Variants in MAP9 observed in about 807,000 individuals in gnomAD.
The protein encoded by MAP9 is microtubule associated protein 9, also known as microtubule-associated protein 9.
A neutral mutation model predicts 75.2 loss-of-function variants in MAP9; 80 were observed. The observed-to-expected ratio is 1.06, with a 90% CI of 0.89 to 1.28. The LOEUF (loss-of-function observed/expected upper bound fraction) is 1.28. MAP9 is among the 50% of genes most tolerant of loss of function. The pLI is 0.00. For synonymous variants in MAP9, 235 were observed against 237.3 expected, an observed-to-expected ratio of 0.99 and a Z score of 0.09; for missense variants, 753 against 719.9, an observed-to-expected ratio of 1.05 and a Z score of -0.53.
chr4:155,352,935 ATC>A lies in MAP9; in HGVS notation c.1663_1664del (p.Asp555Ter). The A allele has an allele frequency of 6.5e-7, 1 of 1,536,000 alleles. No homozygotes were observed. The highest frequency in any genetic ancestry group is 8.8e-7 in the Non-Finnish European group (1 of 1,137,496). Reference protein sequence around the residue: ...EEETVAEKKKDNLTAVEKWNE... With the variant: ...EEETVAEKKKXNLTAVEKWNE... ...ACCATTTCTCAACAGCAGTTAAATTATCTTTCTTTTTCTCGGCAACAGTTTCC... is the reference window on the plus strand; with the variant it reads ...ACCATTTCTCAACAGCAGTTAAATTATTTCTTTTTCTCGGCAACAGTTTCC... On this transcript the variant is annotated frameshift_variant, in exon 12 of 14. Transcript: ENST00000311277. LOFTEE classifies it high-confidence loss of function.
intron 4 of MAP9, among the ~76,000 whole-genome samples, chr4:155,372,665 C>A (rs1001890550): frequency 6.6e-6 from 1 of 152,194 alleles, no homozygotes; most frequent in Admixed American, 6.5e-5. Flanking sequence ...TTCAAATATA[C>A]AAATGTCAAG....
rs553558492 is a variant in MAP9 at position 155,369,094 on chromosome 4, G to A, written c.482-282C>T. On this transcript the variant is annotated intron_variant, in intron 4 of 13. Transcript: ENST00000311277. ...TCCCAGCACGTTGGGAGGCCGAGGT[G>A]GGCAGATCATGAGGTCAGGAGTTCG... Among the ~76,000 whole-genome samples, 6 of 152,202 alleles carry A rather than the reference G, an allele frequency of 3.9e-5. No homozygotes were observed. In the East Asian group the frequency reaches 1.2e-3, roughly 29 times the overall value.
At position 155,375,884 on chromosome 4, in the gene MAP9, CTAAT is replaced by C. The variant is rs750478546; in HGVS notation, c.-38_-35del. On this transcript the variant is annotated 5_prime_UTR_variant, in exon 2 of 14. Coordinates refer to ENST00000311277, the MANE Select transcript of MAP9 (RefSeq NM_001039580.2). ...TTTTCTCGTTACCTTTATAAAATAG[CTAAT>C]TATTAGAATTCAACTTCTGATAGTA... The C allele has an allele frequency of 5.0e-6, 7 of 1,411,016 alleles. No homozygotes were observed. The highest frequency in any genetic ancestry group is 6.9e-6 in the Non-Finnish European group (7 of 1,007,340). 87.4% of individuals were successfully genotyped at this position (1,411,016 alleles called of 1,614,324 possible). A position where few individuals can be genotyped will look rare whatever the true frequency, so the allele number is the denominator to read the frequency against.
chr4:155,351,432 T>C (rs933522057), intron 13 of MAP9, among the ~76,000 whole-genome samples: 1 of 149,892 alleles, frequency 6.7e-6, no homozygotes. Flanking sequence ...TCTTTTCAAC[T>C]ATGCTTGAAA....
chr4:155,375,742 C>T (rs185081787), intron 2 of MAP9, 34 bp downstream of exon 2: 8 of 1,390,756 alleles, frequency 5.8e-6, no homozygotes, highest in Non-Finnish European at 2.0e-6. Flanking sequence ...ACAGTGTTTA[C>T]ACTGTGAAAT....
intron 2 of MAP9, among the ~76,000 whole-genome samples, chr4:155,375,377 T>C (rs1732795644): frequency 6.6e-6 from 1 of 152,214 alleles, no homozygotes. Context: ...AAGAAATTGG[T>C]ATTTTTAAGA....
At chr4:155,359,392 G>A (rs1053717230) in intron 7 of MAP9, among the ~76,000 whole-genome samples, 9 of 151,918 alleles carry the variant, frequency 5.9e-5, no homozygotes, top group African/African-American at 2.2e-4. Flanking sequence ...TAAATAATGT[G>A]TACACATGTA....
At chr4:155,367,569 A>G (rs945637166) in intron 5 of MAP9, 2 of 152,276 alleles carry the variant, frequency 1.3e-5, no homozygotes, top group African/African-American at 2.4e-5. Context: ...TCAATGGATC[A>G]GATAATTTTC....
chr4:155,355,705 T>C lies in MAP9; in HGVS notation c.1290+11A>G, dbSNP rs762518926. 7.5e-6 allele frequency: 12 copies of C among 1,593,304 alleles called. No individual in the cohort carries two copies. Among genetic ancestry groups the C allele is most frequent in the Admixed American group, 5.4e-5 (3 of 55,312 alleles). On this transcript the variant is annotated intron_variant, in intron 9 of 13. Transcript: ENST00000311277. ...CATTCTTCTTCTCTTAAAAATATTTTCCTTTTTTACCTGATAAACAGCTGC... is the reference window on the plus strand; with the variant it reads ...CATTCTTCTTCTCTTAAAAATATTTCCCTTTTTTACCTGATAAACAGCTGC...
intron 13 of MAP9, 176 bp downstream of exon 13, chr4:155,352,420 G>C (rs1731552611): frequency 1.8e-6 from 1 of 566,592 alleles, no homozygotes; most frequent in Non-Finnish European, 3.0e-6. Context: ...AACATTAATA[G>C]AAATGACTAA....
rs17032893 is a variant in MAP9 at position 155,360,219 on chromosome 4, T to C, written c.999A>G (p.Leu333=). The part of the protein sequence containing the change: ...MDDDRTVDPL[L]SKSQSILIST... ...ATATTAAGATACTCTGAGATTTAGA[T>C]AGTAGTGGATCAACTGTTCTGTCAT... Residue 333 remains leucine (L), a synonymous_variant, in exon 7 of 14, where the codon CTA becomes CTG. Coordinates refer to ENST00000311277, the MANE Select transcript of MAP9 (RefSeq NM_001039580.2). 0.048 allele frequency: 77,786 copies of C among 1,612,402 alleles called. 7,314 individuals carry two copies. The highest frequency in any genetic ancestry group is 0.44 in the East Asian group (19,834 of 44,760).
intron 4 of MAP9, among the ~76,000 whole-genome samples, chr4:155,371,948 T>C (rs1441819583): frequency 1.3e-5 from 2 of 152,212 alleles, no homozygotes; most frequent in East Asian, 1.9e-4. Flanking sequence ...TATGCATCTG[T>C]TTGCATTTTT....
intron 7 of MAP9, among the ~76,000 whole-genome samples, chr4:155,358,259 G>A (rs560730048): frequency 1.3e-5 from 2 of 152,196 alleles, no homozygotes; most frequent in African/African-American, 4.8e-5. Context: ...TATAAACTCC[G>A]GAATATCCTT....
chr4:155,373,487 C>A, intron 3 of MAP9, 31 bp from the exon 4 acceptor site: 1 of 1,385,466 alleles, frequency 7.2e-7, no homozygotes. Flanking sequence ...ATGTTTTCAA[C>A]AGTATTTTTA....
Position 155,345,465 on chromosome 4 carries a change from T to TTTTG in MAP9, c.*2317_*2318insCAAA, listed in dbSNP as rs200283700. The TTTTG allele has an allele frequency of 6.0e-4, 15 of 24,884 alleles. No individual in the cohort carries two copies. The highest frequency in any genetic ancestry group is 4.5e-3 in the East Asian group (1 of 224). 1.5% of individuals were successfully genotyped at this position (24,884 alleles called of 1,614,324 possible). A position where few individuals can be genotyped will look rare whatever the true frequency, so the allele number is the denominator to read the frequency against. On this transcript the variant is annotated 3_prime_UTR_variant, in exon 14 of 14. Coordinates refer to ENST00000311277, the MANE Select transcript of MAP9 (RefSeq NM_001039580.2). ...TTTTGTTTTGTTTTGTTTTGTTTTG[T>TTTTG]TTTTTTGAGTGTTACAGCCTGGACT...
chr4:155,360,093 C>T, intron 7 of MAP9, 75 bp downstream of exon 7: 1 of 1,378,516 alleles, frequency 7.3e-7, no homozygotes, highest in Non-Finnish European at 1.0e-6. Context: ...GTATATAACA[C>T]AGAAGATAAA....
chr4:155,355,741 TC>T lies in MAP9; in HGVS notation c.1264del (p.Asp422IlefsTer3). 1 of 1,611,432 alleles carries T rather than the reference TC, an allele frequency of 6.2e-7. No individual in the cohort carries two copies. Among genetic ancestry groups the T allele is most frequent in the South Asian group, 1.1e-5 (1 of 90,618 alleles). On this transcript the variant is annotated frameshift_variant, in exon 9 of 14. Coordinates refer to ENST00000311277, the MANE Select transcript of MAP9 (RefSeq NM_001039580.2). LOFTEE classifies it high-confidence loss of function. ...QKQSIEPDRA[D>X]NIRAAVYQEW... is the part of the protein sequence containing the mutation. ...CTGATAAACAGCTGCCCTTATGTTA[TC>T]TGCTCTATCAGGTTCTATGCTCTGT...
rs866347833 is a variant in MAP9 at position 155,347,344 on chromosome 4, C to G, written c.*439G>C. Reference sequence around the variant, plus strand: ...TCAGTTTCAGAAGGAATAATATATGCGCACTTCCCAGCGACCCTTCATTTA... The same window carrying G: ...TCAGTTTCAGAAGGAATAATATATGGGCACTTCCCAGCGACCCTTCATTTA... On this transcript the variant is annotated 3_prime_UTR_variant, in exon 14 of 14. Coordinates refer to ENST00000311277, the MANE Select transcript of MAP9 (RefSeq NM_001039580.2). 6.5e-6 allele frequency: 1 copy of G among 153,396 alleles called. No individual in the cohort carries two copies. Among genetic ancestry groups the G allele is most frequent in the Non-Finnish European group, 1.4e-5 (1 of 68,978 alleles). The allele number at this position is 153,396 out of a possible 1,614,324, so 9.5% of individuals were successfully genotyped here. A position where few individuals can be genotyped will look rare whatever the true frequency, so the allele number is the denominator to read the frequency against.
rs1731331923 is a variant in MAP9, at chr4:155,347,718, GT to G, written c.*64del. On this transcript the variant is annotated 3_prime_UTR_variant, in exon 14 of 14. Coordinates refer to ENST00000311277, the MANE Select transcript of MAP9 (RefSeq NM_001039580.2). Reference sequence around the variant, plus strand: ...TCCTCTAACTATAAATAATTGAATGGTTTTAAATCTATGGCTAATATTGGCA... The same window carrying G: ...TCCTCTAACTATAAATAATTGAATGGTTTAAATCTATGGCTAATATTGGCA... 6.9e-7 allele frequency: 1 copy of G among 1,442,768 alleles called. No individual in the cohort carries two copies. Among genetic ancestry groups the G allele is most frequent in the Non-Finnish European group, 9.4e-7 (1 of 1,059,994 alleles). The allele number at this position is 1,442,768 out of a possible 1,614,324, so 89.4% of individuals were successfully genotyped here.
Sources: gnomAD v4.1 joint callset for allele counts (sites outside exome capture counted in the v4.1 genomes callset) on GRCh38, gnomAD v4.1.1 for gene constraint, MANE v1.5 for transcripts, NCBI Gene and HGNC (gene_info 2026-07-23, HGNC 2026-07-21) for gene names.